SMAD3: variants seen among roughly 807,000 people sequenced by gnomAD.
SMAD3 encodes MAD homolog 3.
Under a neutral mutation model 51.8 loss-of-function variants are expected in SMAD3, and 12 were observed. That is an observed-to-expected ratio of 0.23 (90% CI 0.15 to 0.38). The LOEUF is 0.38. SMAD3 is among the 10% of genes least tolerant of loss of function. SMAD3 has a pLI of 1.00. For missense variants in SMAD3, 294 were observed against 565.6 expected, an observed-to-expected ratio of 0.52 and a Z score of 4.87; for synonymous variants, 238 against 227.7, an observed-to-expected ratio of 1.05 and a Z score of -0.41.
At chr15:67,127,414 C>T (rs773318491) in intron 1 of SMAD3, among the ~76,000 whole-genome samples, 45 of 152,174 alleles carry the variant, frequency 3.0e-4, no homozygotes, top group Non-Finnish European at 4.6e-4. Flanking sequence ...CAGGCACCTC[C>T]TCCAGGAAGC....
intron 1 of SMAD3, among the ~76,000 whole-genome samples, chr15:67,070,519 T>C (rs1960029581): frequency 6.6e-6 from 1 of 151,978 alleles, no homozygotes. Flanking sequence ...GTCAATTTTT[T>C]AGGTACCAGA....
At chr15:67,078,255 C>T (rs1345639183) in intron 1 of SMAD3, among the ~76,000 whole-genome samples, 2 of 152,212 alleles carry the variant, frequency 1.3e-5, no homozygotes, top group South Asian at 2.1e-4. Flanking sequence ...TTGCTGGCCT[C>T]CATGCAGATG....
rs1442691837 is a variant in SMAD3 at position 67,194,044 on chromosome 15, T to C, written c.*3508T>C. Reference sequence around the variant, plus strand: ...GGGAGAAGAATCTGCAGGCTGCTTGTAGGACTGTTCACCAAGGGGGATACC... The same window carrying C: ...GGGAGAAGAATCTGCAGGCTGCTTGCAGGACTGTTCACCAAGGGGGATACC... On this transcript the variant is annotated 3_prime_UTR_variant, in exon 9 of 9. Coordinates refer to ENST00000327367, the MANE Select transcript of SMAD3 (RefSeq NM_005902.4). 8.6e-6 allele frequency: 2 copies of C among 233,260 alleles called. No homozygotes were observed. The highest frequency in any genetic ancestry group is 4.4e-5 in the African/African-American group (2 of 45,352). 14.4% of individuals were successfully genotyped at this position (233,260 alleles called of 1,614,324 possible).
intron 5 of SMAD3, among the ~76,000 whole-genome samples, chr15:67,177,577 C>A (rs891584019): frequency 1.3e-5 from 2 of 151,938 alleles, no homozygotes; most frequent in African/African-American, 2.4e-5. Context: ...CACCCGTCAC[C>A]ACACCCAGCT....
chr15:67,117,029 G>A (rs748444808), intron 1 of SMAD3, among the ~76,000 whole-genome samples: 3 of 152,060 alleles, frequency 2.0e-5, no homozygotes, highest in Non-Finnish European at 4.4e-5. Context: ...CATAGCTCCC[G>A]GGCCCTCCAT....
At position 67,194,973 on chromosome 15, in the gene SMAD3, C is replaced by G. The variant is rs904286627; in HGVS notation, c.*4437C>G. Reference sequence around the variant, plus strand: ...ACATTGACTGTGTTGATTACCTTCACTATTCGGCCAGCCTGACCTTTTAAT... The same window carrying G: ...ACATTGACTGTGTTGATTACCTTCAGTATTCGGCCAGCCTGACCTTTTAAT... On this transcript the variant is annotated 3_prime_UTR_variant, in exon 9 of 9. Transcript: ENST00000327367. The G allele has an allele frequency of 2.6e-5, 6 of 233,646 alleles. No individual in the cohort carries two copies. Among genetic ancestry groups the G allele is most frequent in the African/African-American group, 1.1e-4 (5 of 45,338 alleles). 14.5% of individuals were successfully genotyped at this position (233,646 alleles called of 1,614,324 possible).
At chr15:67,104,931 C>T (rs909263159) in intron 1 of SMAD3, among the ~76,000 whole-genome samples, 3 of 152,224 alleles carry the variant, frequency 2.0e-5, no homozygotes, top group Non-Finnish European at 2.9e-5. Context: ...GGACAGACAC[C>T]GTGCAGCTGC....
At chr15:67,129,130 A>G (rs1961461280) in intron 1 of SMAD3, among the ~76,000 whole-genome samples, 1 of 151,992 alleles carries the variant, frequency 6.6e-6, no homozygotes, top group Non-Finnish European at 1.5e-5. Flanking sequence ...GGCGTCCCCA[A>G]CCCCTGGGAC....
At chr15:67,102,224 A>T (rs1191960407) in intron 1 of SMAD3, among the ~76,000 whole-genome samples, 1 of 138,694 alleles carries the variant, frequency 7.2e-6, no homozygotes, top group Non-Finnish European at 1.6e-5. Context: ...TATTCAGATC[A>T]GTCTTGGGGG....
intron 1 of SMAD3, among the ~76,000 whole-genome samples, chr15:67,147,825 A>G (rs1181340245): frequency 1.3e-5 from 2 of 152,144 alleles, no homozygotes; most frequent in African/African-American, 2.4e-5. Context: ...TTTGAAATCA[A>G]TTTAATTCCT....
At chr15:67,133,194 T>G (rs1411663935) in intron 1 of SMAD3, among the ~76,000 whole-genome samples, 1 of 152,184 alleles carries the variant, frequency 6.6e-6, no homozygotes, top group Non-Finnish European at 1.5e-5. Flanking sequence ...ACAGTCTAAC[T>G]TTATGGAAGG....
intron 1 of SMAD3, among the ~76,000 whole-genome samples, chr15:67,114,420 G>A (rs1013553367): frequency 1.3e-5 from 2 of 152,170 alleles, no homozygotes; most frequent in African/African-American, 4.8e-5. Context: ...CGGGGGCAAG[G>A]AACAAGCCAC....
chr15:67,109,304 T>C (rs1009406478), intron 1 of SMAD3, among the ~76,000 whole-genome samples: 4 of 152,214 alleles, frequency 2.6e-5, no homozygotes, highest in African/African-American at 9.6e-5. Flanking sequence ...TTTTGAAAAA[T>C]TGAGTCATTT....
chr15:67,140,220 G>A (rs965239379), intron 1 of SMAD3, among the ~76,000 whole-genome samples: 1 of 152,134 alleles, frequency 6.6e-6, no homozygotes, highest in Admixed American at 6.5e-5. Flanking sequence ...TTCTGGAAGA[G>A]ACATTAAGTA....
intron 5 of SMAD3, among the ~76,000 whole-genome samples, chr15:67,177,328 G>A (rs372795978): frequency 1.5e-4 from 23 of 151,802 alleles, no homozygotes; most frequent in South Asian, 2.1e-4. Flanking sequence ...ATTTATAGCC[G>A]CCTTCTTTCC....
chr15:67,128,390 A>C (rs1034678090), intron 1 of SMAD3, among the ~76,000 whole-genome samples: 5 of 152,180 alleles, frequency 3.3e-5, no homozygotes, highest in African/African-American at 1.2e-4. Context: ...ACCTTGGCCG[A>C]GTCCCTCAAC....
Position 67,190,746 on chromosome 15 carries a change from C to G in SMAD3, c.*210C>G. 1.6e-6 allele frequency: 1 copy of G among 608,788 alleles called. No individual in the cohort carries two copies. 37.7% of individuals were successfully genotyped at this position (608,788 alleles called of 1,614,324 possible). On this transcript the variant is annotated 3_prime_UTR_variant, in exon 9 of 9. Transcript: ENST00000327367. The stretch of plus-strand genomic sequence containing the variant: ...AGCTGTGTCTGCCAAACACATTTAC[C>G]CTTTGGCCCCACTTTGAAGGGCAAG...
At chr15:67,173,600 T>C (rs905529219) in intron 5 of SMAD3, among the ~76,000 whole-genome samples, 1 of 152,206 alleles carries the variant, frequency 6.6e-6, no homozygotes, top group Non-Finnish European at 1.5e-5. Context: ...GAGTGTCTGC[T>C]TAGCGCCCTC....
In SMAD3 at chr15:67,130,300, C is replaced by T. The variant is rs34732626; in HGVS notation, c.207-34595C>T. Among the ~76,000 whole-genome samples the T allele has an allele frequency of 2.2e-4, 33 of 152,256 alleles. 1 individual carries two copies. The South Asian group carries it at 3.9e-3, about 18-fold the overall frequency. On this transcript the variant is annotated intron_variant, in intron 1 of 8. Coordinates refer to ENST00000327367, the MANE Select transcript of SMAD3 (RefSeq NM_005902.4). ...TGCTGACTCCGGTACTAGGTGCCTT[C>T]CACTCACCTGACCTCCTTCTCTTAC... is the stretch of plus-strand genomic sequence containing the variant.
Sources: gnomAD v4.1 joint callset for allele counts (sites outside exome capture counted in the v4.1 genomes callset) on GRCh38, gnomAD v4.1.1 for gene constraint, MANE v1.5 for transcripts, NCBI Gene and HGNC (gene_info 2026-07-23, HGNC 2026-07-21) for gene names.